RASSF3: variants seen among roughly 807,000 people sequenced by gnomAD.
The protein encoded by RASSF3 is Ras association domain family member 3.
In RASSF3, 19 loss-of-function variants were observed where a neutral mutation model predicts 19.9. The observed-to-expected ratio is 0.96, with a 90% CI of 0.67 to 1.40. RASSF3 has a LOEUF of 1.40. RASSF3 is among the 40% of genes most tolerant of loss of function. The pLI is 0.00. For missense variants in RASSF3, 306 were observed against 289.8 expected, an observed-to-expected ratio of 1.06 and a Z score of -0.41; for synonymous variants, 110 against 104.2, an observed-to-expected ratio of 1.06 and a Z score of -0.34.
At chr12:64,660,032 GTATATATATGTGTGTGTATGTA>G (rs1565863779) in intron 1 of RASSF3, among the ~76,000 whole-genome samples, 5 of 112,618 alleles carry the variant, frequency 4.4e-5, no homozygotes, top group East Asian at 2.3e-4. Context: ...GTGTGTATGT[GTATATATATGTGTGTGTATGTA>G]TATATATATG....
At chr12:64,647,441 T>G (rs890520363) in intron 1 of RASSF3, among the ~76,000 whole-genome samples, 1 of 150,116 alleles carries the variant, frequency 6.7e-6, no homozygotes, top group Non-Finnish European at 1.5e-5. Flanking sequence ...GACGGGGTCT[T>G]GCACTGTTGC....
chr12:64,575,172 C>T (rs1479644202), intron 2 of RASSF3, among the ~76,000 whole-genome samples: 2 of 152,218 alleles, frequency 1.3e-5, no homozygotes, highest in African/African-American at 2.4e-5. Context: ...GGAATTTTAT[C>T]TAGGTCACTG....
chr12:64,665,438 CTTA>C (rs2136201793), intron 1 of RASSF3, among the ~76,000 whole-genome samples: 1 of 152,058 alleles, frequency 6.6e-6, no homozygotes, highest in East Asian at 1.9e-4. Context: ...AGATTTTTAA[CTTA>C]TTATTAAACA....
intron 2 of RASSF3, among the ~76,000 whole-genome samples, chr12:64,577,659 G>A (rs1381239653): frequency 6.6e-6 from 1 of 152,154 alleles, no homozygotes; most frequent in East Asian, 1.9e-4. Context: ...TTGAACCCAG[G>A]AGGCAGGGGT....
chr12:64,631,297 G>A (rs538916718), intron 1 of RASSF3, among the ~76,000 whole-genome samples: 22 of 152,268 alleles, frequency 1.4e-4, no homozygotes, highest in Non-Finnish European at 2.9e-4. Context: ...CTTCAGAAAA[G>A]CCAAGAAGGC....
intron 2 of RASSF3, among the ~76,000 whole-genome samples, chr12:64,585,417 T>G (rs1156785212): frequency 6.6e-6 from 1 of 152,044 alleles, no homozygotes; most frequent in African/African-American, 2.4e-5. Context: ...CCATAAAGAT[T>G]TCTCTCCCTG....
chr12:64,600,146 T>C, intron 2 of RASSF3, among the ~76,000 whole-genome samples: 1 of 149,950 alleles, frequency 6.7e-6, no homozygotes. Context: ...AGAAAAAATA[T>C]CTCAGAAGTT....
At chr12:64,660,109 G>T (rs1392438360) in intron 1 of RASSF3, among the ~76,000 whole-genome samples, 1 of 147,558 alleles carries the variant, frequency 6.8e-6, no homozygotes, top group African/African-American at 2.4e-5. Context: ...CACACATATG[G>T]CACGCACTAT....
intron 2 of RASSF3, among the ~76,000 whole-genome samples, chr12:64,572,403 A>G (rs1177368217): frequency 2.0e-5 from 3 of 151,892 alleles, no homozygotes; most frequent in African/African-American, 7.3e-5. Flanking sequence ...GCCTTCTGCA[A>G]GCCAGGAGGA....
chr12:64,649,229 G>A (rs140211991), intron 1 of RASSF3, among the ~76,000 whole-genome samples: 2 of 150,658 alleles, frequency 1.3e-5, no homozygotes, highest in South Asian at 2.1e-4. Context: ...GTCTCGCTCT[G>A]TCGCCCAGGC....
chr12:64,682,523 G>A (rs984947396), intron 1 of RASSF3, among the ~76,000 whole-genome samples: 1 of 150,766 alleles, frequency 6.6e-6, no homozygotes, highest in Non-Finnish European at 1.5e-5. Context: ...GCCCAGATCC[G>A]GCCACTGCAC....
chr12:64,513,258 A>G (rs1868338912), intron 1 of RASSF3, among the ~76,000 whole-genome samples: 1 of 152,104 alleles, frequency 6.6e-6, no homozygotes, highest in Non-Finnish European at 1.5e-5. Flanking sequence ...CAGCCTGGCT[A>G]ACATGGCAAA....
In RASSF3 at chr12:64,656,028, GAA is replaced by G. The variant is rs11356200; in HGVS notation, c.112-28742_112-28741del. On this transcript the variant is annotated intron_variant, in intron 1 of 4. Coordinates refer to ENST00000542104, the MANE Select transcript of RASSF3 (RefSeq NM_178169.4). ...GGCAACAGAGTGAGACTTTGTCTCA[GAA>G]AAAAAAAAAAAAAAAATTATAAATC... 4.8e-3 allele frequency among the ~76,000 whole-genome samples: 517 copies of G among 108,676 alleles called. 3 individuals carry two copies. Among genetic ancestry groups the G allele is most frequent in the African/African-American group, 0.016 (429 of 26,894 alleles). The allele number at this position is 108,676 out of a possible 152,430, so 71.3% of individuals were successfully genotyped here. A position where few individuals can be genotyped will look rare whatever the true frequency, so the allele number is the denominator to read the frequency against.
rs968035600 is a variant in RASSF3, at chr12:64,695,343, GGTTTT to G, written c.*437_*441del. On this transcript the variant is annotated 3_prime_UTR_variant, in exon 5 of 5. Transcript: ENST00000542104. ...AAACTACCTGTCTGGTTTTTTGTTT[GGTTTT>G]GTTTTCTTTTTTTAATGTCAGAGGA... is the stretch of plus-strand genomic sequence containing the variant. The G allele has an allele frequency of 2.6e-5, 4 of 153,924 alleles. No individual in the cohort carries two copies. In the Admixed American group the frequency reaches 2.6e-4, roughly 10 times the overall value. 9.5% of individuals were successfully genotyped at this position (153,924 alleles called of 1,614,324 possible). A position where few individuals can be genotyped will look rare whatever the true frequency, so the allele number is the denominator to read the frequency against.
chr12:64,641,402 G>GCACACA (rs1555213814), intron 1 of RASSF3, among the ~76,000 whole-genome samples: 1 of 102,678 alleles, frequency 9.7e-6, no homozygotes, highest in Non-Finnish European at 2.4e-5. Context: ...TCTCACAGGC[G>GCACACA]CACACACACA....
At chr12:64,586,461 GC>G (rs1373572152) in intron 2 of RASSF3, among the ~76,000 whole-genome samples, 1 of 113,538 alleles carries the variant, frequency 8.8e-6, no homozygotes, top group African/African-American at 3.5e-5. Context: ...CTGCACTCCA[GC>G]CCAAGCAACA....
intron 1 of RASSF3, among the ~76,000 whole-genome samples, chr12:64,509,931 G>C (rs1349349308): frequency 6.6e-6 from 1 of 151,766 alleles, no homozygotes; most frequent in African/African-American, 2.4e-5. Context: ...TACTAAAAAT[G>C]CAAAAATTAG....
intron 2 of RASSF3, among the ~76,000 whole-genome samples, chr12:64,592,729 T>C (rs1451776033): frequency 6.6e-6 from 1 of 152,186 alleles, no homozygotes; most frequent in Non-Finnish European, 1.5e-5. Flanking sequence ...CTTGAACTCC[T>C]GGGCTCAAGG....
Position 64,638,452 on chromosome 12 carries a change from C to T in RASSF3, c.111+27709C>T, listed in dbSNP as rs1306926647. On this transcript the variant is annotated intron_variant, in intron 1 of 4. Coordinates refer to ENST00000542104, the MANE Select transcript of RASSF3 (RefSeq NM_178169.4). ...ACAATTAGCTGGGCGTGGTGGCGGG[C>T]GCCTGTAGTCCCAGCTACTCGGGAG... 9.2e-5 allele frequency among the ~76,000 whole-genome samples: 14 copies of T among 151,914 alleles called. No individual in the cohort carries two copies. The East Asian group carries it at 2.0e-3, about 21-fold the overall frequency.
Sources: allele counts gnomAD v4.1 joint callset (sites outside exome capture counted in the v4.1 genomes callset), GRCh38; gene constraint gnomAD v4.1.1; transcripts MANE v1.5; gene names NCBI Gene and HGNC (gene_info 2026-07-23, HGNC 2026-07-21).